AOPEP: variants seen among roughly 807,000 people sequenced by gnomAD.
The protein encoded by AOPEP is aminopeptidase O.
A neutral mutation model predicts 98.1 loss-of-function variants in AOPEP; 77 were observed. The observed-to-expected ratio is 0.78, with a 90% CI of 0.65 to 0.95. The LOEUF is 0.95. Ranked by LOEUF, AOPEP falls within the 40% of genes least tolerant of loss-of-function variation. The pLI, the probability that AOPEP is intolerant of heterozygous loss-of-function variation, is 0.00. For missense variants in AOPEP, 1,024 were observed against 1,024.7 expected (o/e 1.00, Z 0.01); for synonymous variants, 346 against 365.3 (o/e 0.95, Z 0.60).
intron 11 of AOPEP, among the ~76,000 whole-genome samples, chr9:95,001,515 C>T (rs948772365): frequency 3.9e-5 from 6 of 152,162 alleles, no homozygotes; most frequent in African/African-American, 1.2e-4. Context: ...TTTAAAAAAG[C>T]GGTCTTCCAG....
intron 5 of AOPEP, among the ~76,000 whole-genome samples, chr9:94,870,236 C>T (rs7853854): frequency 0.015 from 2,274 of 152,062 alleles, 53 homozygotes; most frequent in African/African-American, 0.052. Context: ...GTGATCTGCC[C>T]GCCTCCGCCT....
chr9:95,036,655 C>T lies in AOPEP; in HGVS notation c.2116-24039C>T, dbSNP rs371300080. 1.3e-3 allele frequency among the ~76,000 whole-genome samples: 197 copies of T among 151,018 alleles called. 4 individuals carry two copies. The South Asian group carries it at 0.04, about 30-fold the overall frequency. The stretch of plus-strand genomic sequence containing the variant: ...TTCTCCTCCTCCTCCCCGCCCTCCT[C>T]TTCTTCCTCCTCCTCTTCTCCTTTC... On this transcript the variant is annotated intron_variant, in intron 13 of 16. Transcript: ENST00000375315.
At chr9:95,036,164 T>C (rs1010464957) in intron 13 of AOPEP, among the ~76,000 whole-genome samples, 65 of 152,248 alleles carry the variant, frequency 4.3e-4, no homozygotes, top group African/African-American at 1.5e-3. Flanking sequence ...TGATCTTGTG[T>C]GATCTCATTT....
At chr9:94,816,164 A>G (rs1326997678) in intron 5 of AOPEP, among the ~76,000 whole-genome samples, 1 of 152,138 alleles carries the variant, frequency 6.6e-6, no homozygotes, top group Non-Finnish European at 1.5e-5. Flanking sequence ...AAATTGCCAT[A>G]CAATTTCTTT....
intron 11 of AOPEP, among the ~76,000 whole-genome samples, chr9:94,984,849 G>C (rs1022612529): frequency 3.2e-4 from 49 of 152,306 alleles, no homozygotes; most frequent in African/African-American, 1.2e-3. Context: ...TCAAATGCGG[G>C]GTAAAGATAG....
intron 5 of AOPEP, among the ~76,000 whole-genome samples, chr9:94,877,947 C>G (rs1003411391): frequency 2.6e-5 from 4 of 152,130 alleles, no homozygotes; most frequent in African/African-American, 7.2e-5. Flanking sequence ...TTTAGAATAT[C>G]AAGGATAGGT....
chr9:94,942,635 C>T (rs956512291), intron 7 of AOPEP, among the ~76,000 whole-genome samples: 2 of 152,108 alleles, frequency 1.3e-5, no homozygotes, highest in South Asian at 2.1e-4. Context: ...GTAAAACTGT[C>T]TCCATTTGTA....
At chr9:95,055,778 C>T (rs2066762215) in intron 13 of AOPEP, among the ~76,000 whole-genome samples, 1 of 152,184 alleles carries the variant, frequency 6.6e-6, no homozygotes, top group South Asian at 2.1e-4. Flanking sequence ...TTCTATTGTG[C>T]CCCTGCCCGA....
chr9:95,137,501 G>T, the AOPEP span, among the ~76,000 whole-genome samples: 1 of 152,066 alleles, frequency 6.6e-6, no homozygotes. Context: ...TCCCACACCT[G>T]GCAAAGCCCT....
chr9:95,067,853 C>G (rs183246244), intron 14 of AOPEP, among the ~76,000 whole-genome samples: 60 of 152,274 alleles, frequency 3.9e-4, no homozygotes, highest in African/African-American at 1.4e-3. Flanking sequence ...CCCTAGCTCC[C>G]CAGTCCTAGG....
intron 5 of AOPEP, among the ~76,000 whole-genome samples, chr9:94,883,528 T>G (rs763850829): frequency 6.6e-5 from 10 of 152,154 alleles, no homozygotes; most frequent in Admixed American, 2.6e-4. Context: ...TCAGCTTTTG[T>G]TACAGAAGAA....
intron 14 of AOPEP, among the ~76,000 whole-genome samples, chr9:95,076,908 A>G (rs1471083191): frequency 6.6e-6 from 1 of 152,196 alleles, no homozygotes; most frequent in African/African-American, 2.4e-5. Context: ...TCCCATCCCT[A>G]TCCCCAGCTG....
intron 5 of AOPEP, among the ~76,000 whole-genome samples, chr9:94,878,989 G>A (rs915959617): frequency 6.6e-6 from 1 of 152,196 alleles, no homozygotes; most frequent in Non-Finnish European, 1.5e-5. Flanking sequence ...TTGGGTGGGT[G>A]GAAGAACTCA....
At chr9:94,942,905 A>C (rs2057171758) in intron 7 of AOPEP, among the ~76,000 whole-genome samples, 1 of 37,298 alleles carries the variant, frequency 2.7e-5, no homozygotes, top group Non-Finnish European at 5.5e-5. Context: ...AGTCTGTCTC[A>C]AAAAAAAAAA....
chr9:95,144,054 T>C, the AOPEP span, among the ~76,000 whole-genome samples: 1 of 152,066 alleles, frequency 6.6e-6, no homozygotes, highest in Non-Finnish European at 1.5e-5. Flanking sequence ...AAGCAAATAG[T>C]TGGAAGGCTA....
chr9:94,928,793 T>G, intron 7 of AOPEP: 1 of 419,392 alleles, frequency 2.4e-6, no homozygotes, highest in Non-Finnish European at 4.3e-6. Flanking sequence ...TTTGAAGTTC[T>G]AACAGTCACT....
intron 5 of AOPEP, among the ~76,000 whole-genome samples, chr9:94,857,964 C>T (rs1046105381): frequency 6.6e-6 from 1 of 151,792 alleles, no homozygotes; most frequent in Non-Finnish European, 1.5e-5. Context: ...CGTACACTGG[C>T]GTACCCTGGT....
intron 10 of AOPEP, 48 bp from the exon 11 acceptor site, chr9:94,979,319 G>A (rs368107176): frequency 1.1e-4 from 138 of 1,260,576 alleles, no homozygotes; most frequent in Admixed American, 1.9e-4. Flanking sequence ...TGTAATAAGC[G>A]CTCTGTAACT....
intron 13 of AOPEP, among the ~76,000 whole-genome samples, chr9:95,050,057 C>T (rs549079993): frequency 1.3e-5 from 2 of 152,236 alleles, no homozygotes; most frequent in African/African-American, 4.8e-5. Flanking sequence ...GACGTTTTGC[C>T]ATAAAAGAAC....
Sources: allele counts gnomAD v4.1 joint callset (sites outside exome capture counted in the v4.1 genomes callset), GRCh38; gene constraint gnomAD v4.1.1; transcripts MANE v1.5; gene names NCBI Gene and HGNC (gene_info 2026-07-23, HGNC 2026-07-21).